The following NPHP1 variants were observed in gnomAD, a reference collection of about 807,000 sequenced individuals.
NPHP1 encodes nephrocystin 1, also known as nephrocystin-1.
In NPHP1, 70 loss-of-function variants were observed where a neutral mutation model predicts 90.4. The ratio of observed to expected loss-of-function variants is 0.77; its 90% CI spans 0.64 to 0.95. The LOEUF is 0.95. Among genes scored for constraint, NPHP1 ranks in the 40% least tolerant of loss-of-function variants. The pLI, the probability that NPHP1 is intolerant of heterozygous loss-of-function variation, is 0.00. For synonymous variants in NPHP1, 256 were observed against 271.7 expected, an observed-to-expected ratio of 0.94 and a Z score of 0.57; for missense variants, 764 against 795.9, an observed-to-expected ratio of 0.96 and a Z score of 0.48.
chr2:110,199,854 T>C (rs1685444653), intron 2 of NPHP1, among the ~76,000 whole-genome samples: 1 of 152,218 alleles, frequency 6.6e-6, no homozygotes, highest in South Asian at 2.1e-4. Flanking sequence ...CAGATAAAAA[T>C]GATACCTAAA....
At chr2:110,165,275 CAA>C in intron 6 of NPHP1, 120 bp from the exon 7 acceptor site, 1 of 763,240 alleles carries the variant, frequency 1.3e-6, no homozygotes, top group South Asian at 1.5e-5. Context: ...TGTTTAAAAA[CAA>C]AAAAACAAAA....
intron 6 of NPHP1, among the ~76,000 whole-genome samples, chr2:110,167,169 G>A (rs1682781272): frequency 1.3e-5 from 2 of 152,018 alleles, no homozygotes; most frequent in African/African-American, 4.8e-5. Context: ...CAGAGCTCCT[G>A]AAACCCTTGG....
chr2:110,169,188 A>G (rs1682933481), intron 5 of NPHP1, among the ~76,000 whole-genome samples: 1 of 152,138 alleles, frequency 6.6e-6, no homozygotes, highest in Admixed American at 6.5e-5. Context: ...TTGAAAAAAA[A>G]ATCTATAAAT....
intron 2 of NPHP1, among the ~76,000 whole-genome samples, chr2:110,183,079 TC>T (rs1423753989): frequency 6.6e-6 from 1 of 152,070 alleles, no homozygotes; most frequent in African/African-American, 2.4e-5. Flanking sequence ...AAGGTTCAAT[TC>T]AACAAGAAGA....
At chr2:110,168,259 G>A (rs569424645) in intron 6 of NPHP1, among the ~76,000 whole-genome samples, 193 bp downstream of exon 6, 7 of 152,286 alleles carry the variant, frequency 4.6e-5, no homozygotes, top group African/African-American at 7.2e-5. Flanking sequence ...GCTCACATGC[G>A]TAAGAGCACT....
intron 11 of NPHP1, among the ~76,000 whole-genome samples, chr2:110,153,295 A>T (rs901319607): frequency 2.0e-5 from 3 of 152,162 alleles, no homozygotes; most frequent in Non-Finnish European, 2.9e-5. Flanking sequence ...GACCTACCCT[A>T]AAAGAATGGT....
intron 2 of NPHP1, among the ~76,000 whole-genome samples, chr2:110,183,033 A>T (rs753406517): frequency 3.4e-5 from 5 of 148,034 alleles, no homozygotes; most frequent in African/African-American, 8.0e-5. Context: ...CAATAAAGAT[A>T]AAAAAAAGAC....
intron 19 of NPHP1, chr2:110,124,331 G>T: frequency 3.7e-6 from 2 of 535,312 alleles, no homozygotes; most frequent in Non-Finnish European, 3.4e-6. Flanking sequence ...TCCATGGAGG[G>T]TGTCTCACAC....
chr2:110,175,321 G>T (rs1218368316), intron 4 of NPHP1, among the ~76,000 whole-genome samples: 1 of 152,076 alleles, frequency 6.6e-6, no homozygotes, highest in Admixed American at 6.5e-5. Flanking sequence ...AATCCTTTTT[G>T]AAGGTCCAAA....
intron 15 of NPHP1, chr2:110,144,135 A>G (rs550817249): frequency 3.0e-6 from 1 of 330,844 alleles, no homozygotes; most frequent in African/African-American, 2.1e-5. Flanking sequence ...AAAGATGCTC[A>G]ATATTTCTAG....
chr2:110,178,761 A>T (rs1683683818), intron 3 of NPHP1: 1 of 538,914 alleles, frequency 1.9e-6, no homozygotes. Flanking sequence ...CACTTGTTTT[A>T]GGTTTCTCTT....
chr2:110,133,076 G>A (rs576255122), intron 16 of NPHP1, among the ~76,000 whole-genome samples: 50 of 152,142 alleles, frequency 3.3e-4, no homozygotes, highest in African/African-American at 1.1e-3. Flanking sequence ...CACTTTAAAT[G>A]TAAATAAATT....
Position 110,178,284 on chromosome 2 carries a change from C to A in NPHP1, c.329+139G>T, listed in dbSNP as rs113684207. ...GGGATCTAACACCTTCTATTATACA[C>A]AATAAATAAATGTTGACTGATTCTA... On this transcript the variant is annotated intron_variant, in intron 4 of 19. Transcript: ENST00000445609. The A allele has an allele frequency of 2.8e-3, 2,432 of 860,168 alleles. 46 individuals are homozygous for A. In the African/African-American group the frequency reaches 0.035, roughly 12 times the overall value. The allele number at this position is 860,168 out of a possible 1,614,324, so 53.3% of individuals were successfully genotyped here.
At chr2:110,188,984 T>C (rs1208777297) in intron 2 of NPHP1, among the ~76,000 whole-genome samples, 3 of 152,024 alleles carry the variant, frequency 2.0e-5, no homozygotes, top group Non-Finnish European at 4.4e-5. Context: ...ATACACCATA[T>C]ACAAAAATTA....
intron 19 of NPHP1, chr2:110,125,370 A>G (rs1185839635): frequency 6.7e-7 from 1 of 1,494,620 alleles, no homozygotes; most frequent in African/African-American, 1.4e-5. Flanking sequence ...CACAACTGAG[A>G]GACTTTGGCT....
At chr2:110,139,531 T>A (rs944543647) in intron 16 of NPHP1, among the ~76,000 whole-genome samples, 2 of 152,198 alleles carry the variant, frequency 1.3e-5, no homozygotes, top group Non-Finnish European at 2.9e-5. Flanking sequence ...CACCGAATAA[T>A]TCACATTTTC....
chr2:110,157,035 A>G (rs1418850555), intron 11 of NPHP1, among the ~76,000 whole-genome samples: 1 of 152,098 alleles, frequency 6.6e-6, no homozygotes, highest in East Asian at 1.9e-4. Context: ...TCGGCCTCCC[A>G]AAGTGCGGGG....
intron 2 of NPHP1, among the ~76,000 whole-genome samples, chr2:110,189,180 C>T (rs140840586): frequency 6.6e-6 from 1 of 152,240 alleles, no homozygotes; most frequent in African/African-American, 2.4e-5. Flanking sequence ...AACTTTTGCA[C>T]AGCAAAAGAA....
In NPHP1 at chr2:110,150,212, T is replaced by C; in HGVS notation, c.1128A>G (p.Lys376=). Residue 376 remains lysine, a synonymous_variant, in exon 12 of 20, where the codon AAA becomes AAG. Coordinates refer to ENST00000445609, the MANE Select transcript of NPHP1 (RefSeq NM_001128178.3). ...IHTVRATWQP[K]KPKTWTFSPQ... ...GAGAAAAGGTCCATGTTTTGGGCTT[T>C]TTAGGTTGCCATGTGGCTCTGACTG... The C allele has an allele frequency of 1.2e-6, 2 of 1,614,018 alleles. No individual in the cohort carries two copies. The highest frequency in any genetic ancestry group is 1.7e-6 in the Non-Finnish European group (2 of 1,179,880).
Sources: allele counts gnomAD v4.1 joint callset (sites outside exome capture counted in the v4.1 genomes callset), GRCh38; gene constraint gnomAD v4.1.1; transcripts MANE v1.5; gene names NCBI Gene and HGNC (gene_info 2026-07-23, HGNC 2026-07-21).